Variants in PTPRD observed in about 807,000 individuals in gnomAD.
The protein encoded by PTPRD is receptor-type tyrosine-protein phosphatase delta.
Under a neutral mutation model 214.5 loss-of-function variants are expected in PTPRD, and 34 were observed. The ratio of observed to expected loss-of-function variants is 0.16; its 90% CI spans 0.12 to 0.21. The LOEUF is 0.21. Among genes scored for constraint, PTPRD ranks in the 10% least tolerant of loss-of-function variants. The pLI is 1.00. For missense variants in PTPRD, 2,545 were observed against 2,398.7 expected, an observed-to-expected ratio of 1.06 and a Z score of -1.27; for synonymous variants, 1,128 against 845.7, an observed-to-expected ratio of 1.33 and a Z score of -5.79.
chr9:9,532,145 G>A (rs1402419653), intron 8 of PTPRD, among the ~76,000 whole-genome samples: 1 of 152,068 alleles, frequency 6.6e-6, no homozygotes, highest in Admixed American at 6.6e-5. Context: ...ACCATATGCA[G>A]GAGAGCTAGG....
intron 2 of PTPRD, among the ~76,000 whole-genome samples, chr9:10,505,895 C>T (rs374485024): frequency 1.3e-5 from 2 of 151,978 alleles, no homozygotes; most frequent in Admixed American, 1.3e-4. Context: ...TATATCAATA[C>T]ATAAGCAGAA....
intron 2 of PTPRD, among the ~76,000 whole-genome samples, chr9:10,373,359 T>C (rs2097667980): frequency 6.6e-6 from 1 of 152,092 alleles, no homozygotes; most frequent in Non-Finnish European, 1.5e-5. Flanking sequence ...ACTTTCCTTG[T>C]TCTCTATACT....
intron 12 of PTPRD, among the ~76,000 whole-genome samples, chr9:8,715,578 A>G (rs1279020170): frequency 2.6e-5 from 4 of 152,182 alleles, no homozygotes; most frequent in East Asian, 3.8e-4. Flanking sequence ...TTAAAAACCA[A>G]TGCTCTTCCC....
At chr9:8,919,948 A>C (rs1444958856) in intron 11 of PTPRD, among the ~76,000 whole-genome samples, 2 of 142,736 alleles carry the variant, frequency 1.4e-5, no homozygotes, top group African/African-American at 4.9e-5. Flanking sequence ...GCATGTACAC[A>C]TGTATGTATA....
chr9:9,773,759 C>T (rs2098773269), intron 5 of PTPRD, among the ~76,000 whole-genome samples: 1 of 152,102 alleles, frequency 6.6e-6, no homozygotes, highest in African/African-American at 2.4e-5. Flanking sequence ...TACCAGGTTG[C>T]CTGGAACATT....
chr9:10,095,290 A>G (rs1481995162), intron 3 of PTPRD, among the ~76,000 whole-genome samples: 2 of 151,484 alleles, frequency 1.3e-5, no homozygotes, highest in African/African-American at 2.4e-5. Flanking sequence ...CCAATATCCC[A>G]TAGATGGAGC....
intron 2 of PTPRD, among the ~76,000 whole-genome samples, chr9:10,442,538 C>T (rs1315969300): frequency 3.3e-5 from 5 of 151,712 alleles, no homozygotes; most frequent in Admixed American, 6.6e-5. Context: ...GCAAAGGGAT[C>T]TCTGATTTGC....
At chr9:9,808,829 T>G (rs1035843399) in intron 5 of PTPRD, among the ~76,000 whole-genome samples, 2 of 152,188 alleles carry the variant, frequency 1.3e-5, no homozygotes, top group African/African-American at 4.8e-5. Flanking sequence ...TAGAACGCAG[T>G]GGCTCAATCA....
chr9:10,362,692 C>T (rs542311055), intron 2 of PTPRD, among the ~76,000 whole-genome samples: 169 of 151,796 alleles, frequency 1.1e-3, no homozygotes, highest in Admixed American at 7.9e-4. Flanking sequence ...CCAGCCTGGC[C>T]AACATGATGA....
intron 2 of PTPRD, among the ~76,000 whole-genome samples, chr9:10,555,471 T>G (rs833412): frequency 0.51 from 76,913 of 151,942 alleles, 19,784 homozygotes; most frequent in Admixed American, 0.62. Context: ...TCCCTTGCAG[T>G]TCTGGGCTGA....
intron 4 of PTPRD, among the ~76,000 whole-genome samples, chr9:9,987,171 G>A (rs1007470348): frequency 1.3e-5 from 2 of 152,118 alleles, no homozygotes; most frequent in Non-Finnish European, 2.9e-5. Flanking sequence ...TTTTCTCTGG[G>A]TAGGCTGACT....
chr9:8,769,004 G>C (rs1388598692), intron 11 of PTPRD, among the ~76,000 whole-genome samples: 1 of 152,158 alleles, frequency 6.6e-6, no homozygotes, highest in Non-Finnish European at 1.5e-5. Context: ...TGGCAGGGAG[G>C]CACAGGGGAG....
chr9:9,645,187 T>A (rs2096112805), intron 7 of PTPRD, among the ~76,000 whole-genome samples: 1 of 152,180 alleles, frequency 6.6e-6, no homozygotes, highest in African/African-American at 2.4e-5. Flanking sequence ...TTGAGCCACA[T>A]CCCCATTGCA....
intron 14 of PTPRD, among the ~76,000 whole-genome samples, chr9:8,578,128 A>T (rs576440836): frequency 6.6e-6 from 1 of 152,224 alleles, no homozygotes; most frequent in Non-Finnish European, 1.5e-5. Flanking sequence ...TGTACATAGG[A>T]TACACACTTG....
At chr9:8,527,175 G>A (rs1035124064) in intron 16 of PTPRD, among the ~76,000 whole-genome samples, 170 bp downstream of exon 16, 31 of 151,954 alleles carry the variant, frequency 2.0e-4, no homozygotes, top group African/African-American at 7.0e-4. Context: ...TCTGCACAGT[G>A]TTCTTACGAT....
At chr9:9,019,774 G>A (rs751961907) in intron 10 of PTPRD, among the ~76,000 whole-genome samples, 2 of 152,150 alleles carry the variant, frequency 1.3e-5, no homozygotes, top group Non-Finnish European at 2.9e-5. Context: ...AAAGATACAA[G>A]TCCATGAAAG....
At chr9:10,139,386 A>T (rs1364263329) in intron 3 of PTPRD, among the ~76,000 whole-genome samples, 1 of 152,120 alleles carries the variant, frequency 6.6e-6, no homozygotes, top group Non-Finnish European at 1.5e-5. Flanking sequence ...AGATGATACA[A>T]ATAAATGGAA....
intron 11 of PTPRD, among the ~76,000 whole-genome samples, chr9:8,921,520 G>A (rs779690619): frequency 3.5e-4 from 53 of 151,818 alleles, no homozygotes; most frequent in Non-Finnish European, 7.2e-4. Context: ...TTGAGACAGA[G>A]TCTCACTCTG....
Position 10,073,823 on chromosome 9 carries a change from T to C in PTPRD, c.-544-40033A>G, listed in dbSNP as rs908098036. Among the ~76,000 whole-genome samples the C allele has an allele frequency of 2.0e-5, 3 of 152,250 alleles. No individual in the cohort carries two copies. The East Asian group carries it at 5.8e-4, about 30-fold the overall frequency. On this transcript the variant is annotated intron_variant, in intron 3 of 45. Coordinates refer to ENST00000381196, the MANE Select transcript of PTPRD (RefSeq NM_002839.4). ...TTTATCCTCTACTCCCTGTTGTGAG[T>C]GAACTACTATACTGGGTTCTGAGAA...
Sources: allele counts gnomAD v4.1 joint callset (sites outside exome capture counted in the v4.1 genomes callset), GRCh38; gene constraint gnomAD v4.1.1; transcripts MANE v1.5; gene names NCBI Gene and HGNC (gene_info 2026-07-23, HGNC 2026-07-21).